USH2A: variants seen among roughly 807,000 people sequenced by gnomAD.
The protein encoded by USH2A is Usher syndrome 2A (autosomal recessive, mild).
A neutral mutation model predicts 538.9 loss-of-function variants in USH2A; 443 were observed. That is an observed-to-expected ratio of 0.82 (90% CI 0.76 to 0.89). The LOEUF is 0.89. Ranked by LOEUF, USH2A falls within the 40% of genes least tolerant of loss-of-function variation. The pLI, the probability that USH2A is intolerant of heterozygous loss-of-function variation, is 0.00. For missense variants in USH2A, 6,633 were observed against 6,324.8 expected, an observed-to-expected ratio of 1.05 and a Z score of -1.65; for synonymous variants, 2,413 against 2,273.5, an observed-to-expected ratio of 1.06 and a Z score of -1.75.
chr1:215,989,058 C>G (rs1226271028), intron 35 of USH2A, among the ~76,000 whole-genome samples: 4 of 152,224 alleles, frequency 2.6e-5, no homozygotes, highest in Admixed American at 6.5e-5. Context: ...TTGGCAAGGA[C>G]TGGACATTTA....
intron 36 of USH2A, among the ~76,000 whole-genome samples, chr1:215,967,993 G>A (rs1667397310): frequency 6.6e-6 from 1 of 152,074 alleles, no homozygotes; most frequent in Non-Finnish European, 1.5e-5. Flanking sequence ...ATGTAACATT[G>A]GCTAAGTGGG....
chr1:215,718,747 G>A (rs1316038109), intron 61 of USH2A, among the ~76,000 whole-genome samples: 2 of 152,184 alleles, frequency 1.3e-5, no homozygotes, highest in Non-Finnish European at 2.9e-5. Flanking sequence ...GTACTTCGGG[G>A]CAGCCATCTT....
chr1:215,838,716 GA>G (rs1276497231), intron 46 of USH2A, among the ~76,000 whole-genome samples: 1 of 152,084 alleles, frequency 6.6e-6, no homozygotes, highest in Non-Finnish European at 1.5e-5. Context: ...TGGAATAACT[GA>G]AGATTAGAAA....
At chr1:215,781,142 G>A (rs1354779088) in intron 54 of USH2A, among the ~76,000 whole-genome samples, 1 of 151,442 alleles carries the variant, frequency 6.6e-6, no homozygotes, top group Non-Finnish European at 1.5e-5. Context: ...TTCCATATTT[G>A]TTTCTCTCTA....
chr1:216,207,424 G>A lies in USH2A; in HGVS notation c.3165C>T (p.Phe1055=). The change falls in exon 16 of 72, where the codon TTC becomes TTT. Residue 1055 remains phenylalanine, a synonymous_variant. Coordinates refer to ENST00000307340, the MANE Select transcript of USH2A (RefSeq NM_206933.4). ...NNLLGCSKTP[F]QQPPPRGQVQ... ...CTTGTCCTCTGGGCGGAGGTTGCTG[G>A]AATGGAGCTAAATTACAATGAAGAG... 1.2e-6 allele frequency: 2 copies of A among 1,613,952 alleles called. No individual in the cohort carries two copies. Among genetic ancestry groups the A allele is most frequent in the Non-Finnish European group, 1.7e-6 (2 of 1,179,934 alleles).
intron 9 of USH2A, among the ~76,000 whole-genome samples, chr1:216,318,981 A>T (rs895275367): frequency 1.3e-5 from 2 of 152,184 alleles, no homozygotes; most frequent in African/African-American, 4.8e-5. Flanking sequence ...ACAAGACAGG[A>T]CGTCACAAGC....
At chr1:216,008,437 CT>C (rs888885354) in intron 32 of USH2A, among the ~76,000 whole-genome samples, 9 of 152,212 alleles carry the variant, frequency 5.9e-5, no homozygotes, top group Admixed American at 2.6e-4. Flanking sequence ...GGCCCCACCC[CT>C]ATCTCCCTTC....
Position 215,889,042 on chromosome 1 carries a change from A to G in USH2A, c.7607T>C (p.Val2536Ala), listed in dbSNP as rs1188604164. 6.2e-7 allele frequency: 1 copy of G among 1,613,730 alleles called. No homozygotes were observed. Among genetic ancestry groups the G allele is most frequent in the East Asian group, 2.2e-5 (1 of 44,868 alleles). The change falls in exon 41 of 72, where the codon GTA becomes GCA. Residue 2536 changes from valine (V) to alanine (A), a missense_variant. Physicochemically the swap from Val to Ala is moderately conservative, Grantham distance 64 (BLOSUM62 0). Coordinates refer to ENST00000307340, the MANE Select transcript of USH2A (RefSeq NM_206933.4). ...FMTAEDKPGP[V>A]VPPILLDVKS... The stretch of plus-strand genomic sequence containing the variant: ...CACATCCAGAAGAATCGGAGGAACT[A>G]CAGGTCCAGGTTCTGTAAAGTAAAA...
In USH2A at chr1:215,955,676, C is replaced by CT. The variant is rs564526029; in HGVS notation, c.7120+9640dup. On this transcript the variant is annotated intron_variant, in intron 37 of 71. Transcript: ENST00000307340. ...ATCCAAATTCTCTAAAAGCCATATA[C>CT]TTTTTTTTTCATAAATAGCCCACTA... Among the ~76,000 whole-genome samples, 111 of 151,584 alleles carry CT rather than the reference C, an allele frequency of 7.3e-4. 6 individuals are homozygous for CT. The South Asian group carries it at 0.02, about 27-fold the overall frequency.
At chr1:216,090,388 G>T (rs974468345) in intron 22 of USH2A, among the ~76,000 whole-genome samples, 1 of 145,348 alleles carries the variant, frequency 6.9e-6, no homozygotes, top group African/African-American at 2.6e-5. Flanking sequence ...CTCATAAAGA[G>T]CTCGACAACA....
At chr1:216,063,259 G>A (rs2031243333) in intron 30 of USH2A, among the ~76,000 whole-genome samples, 1 of 152,154 alleles carries the variant, frequency 6.6e-6, no homozygotes, top group Non-Finnish European at 1.5e-5. Flanking sequence ...ACCAAATCCA[G>A]CTTTCTGGCT....
At chr1:215,947,164 C>T (rs1666780495) in intron 37 of USH2A, among the ~76,000 whole-genome samples, 1 of 151,860 alleles carries the variant, frequency 6.6e-6, no homozygotes, top group African/African-American at 2.4e-5. Context: ...ACCCCAGCCT[C>T]CTGAGTAGCT....
chr1:216,251,760 C>G (rs1558344883), intron 11 of USH2A, among the ~76,000 whole-genome samples: 1 of 152,024 alleles, frequency 6.6e-6, no homozygotes, highest in African/African-American at 2.4e-5. Context: ...TTTTATTCCT[C>G]TTGTTTACTG....
intron 1 of USH2A, 37 bp from the exon 2 acceptor site, chr1:216,422,577 G>A: frequency 2.0e-6 from 1 of 509,894 alleles, no homozygotes; most frequent in South Asian, 2.1e-5. Flanking sequence ...AGGGAAAGCT[G>A]CTGCACCTTT....
At chr1:216,126,155 C>T (rs2033248066) in intron 21 of USH2A, among the ~76,000 whole-genome samples, 1 of 152,122 alleles carries the variant, frequency 6.6e-6, no homozygotes, top group South Asian at 2.1e-4. Context: ...TGCCTAAATG[C>T]ACATGAAACA....
intron 44 of USH2A, among the ~76,000 whole-genome samples, chr1:215,853,139 G>GT (rs1335997424): frequency 6.6e-6 from 1 of 152,198 alleles, no homozygotes; most frequent in Non-Finnish European, 1.5e-5. Flanking sequence ...ATATCCAGGT[G>GT]TTTCCATACA....
intron 41 of USH2A, among the ~76,000 whole-genome samples, chr1:215,881,561 G>A (rs1664909790): frequency 6.6e-6 from 1 of 152,158 alleles, no homozygotes. Context: ...CTTTCAGTTT[G>A]TTTAATTTCC....
intron 21 of USH2A, among the ~76,000 whole-genome samples, chr1:216,130,127 C>T (rs2033338761): frequency 1.3e-5 from 2 of 151,970 alleles, no homozygotes; most frequent in Admixed American, 6.6e-5. Flanking sequence ...ACTGGAGAAA[C>T]ACTCCAGGAC....
chr1:216,083,253 AATTGTCATCTT>A, intron 26 of USH2A, 192 bp downstream of exon 26: 1 of 496,942 alleles, frequency 2.0e-6, no homozygotes, highest in South Asian at 2.9e-5. Flanking sequence ...TAATTGTTAC[AATTGTCATCTT>A]AAAAAATTAC....
Sources: allele counts gnomAD v4.1 joint callset (sites outside exome capture counted in the v4.1 genomes callset), GRCh38; gene constraint gnomAD v4.1.1; transcripts MANE v1.5; gene names NCBI Gene and HGNC (gene_info 2026-07-23, HGNC 2026-07-21).